LUC7L3: variants seen among roughly 807,000 people sequenced by gnomAD.
LUC7L3 encodes luc7-like protein 3.
In LUC7L3, 6 loss-of-function variants were observed where a neutral mutation model predicts 66.8. The observed-to-expected ratio is 0.09, with a 90% CI of 0.05 to 0.18. LUC7L3 has a LOEUF of 0.18. Ranked by LOEUF, LUC7L3 falls within the 10% of genes least tolerant of loss-of-function variation. The pLI is 1.00. For missense variants in LUC7L3, 341 were observed against 531.1 expected (o/e 0.64, Z 3.52); for synonymous variants, 160 against 174.7 (o/e 0.92, Z 0.66).
intron 7 of LUC7L3, among the ~76,000 whole-genome samples, chr17:50,745,099 C>T (rs554799728): frequency 6.6e-6 from 1 of 152,312 alleles, no homozygotes; most frequent in African/African-American, 2.4e-5. Context: ...AAGCAATTCT[C>T]ATGCCTCAGC....
At chr17:50,745,046 GT>G (rs1273059029) in intron 7 of LUC7L3, among the ~76,000 whole-genome samples, 1 of 152,100 alleles carries the variant, frequency 6.6e-6, no homozygotes, top group East Asian at 1.9e-4. Flanking sequence ...CTGAAGTACA[GT>G]GGCGTGATCT....
chr17:50,730,319 A>G (rs1969502552), intron 1 of LUC7L3, among the ~76,000 whole-genome samples: 1 of 151,936 alleles, frequency 6.6e-6, no homozygotes, highest in Non-Finnish European at 1.5e-5. Context: ...CAGACAGGCC[A>G]GGAGTTCGAG....
Position 50,719,955 on chromosome 17 carries a change from C to T in LUC7L3, c.99+124C>T, listed in dbSNP as rs1223182988. 3 of 818,090 alleles carry T rather than the reference C, an allele frequency of 3.7e-6. No individual in the cohort carries two copies. In the African/African-American group the frequency reaches 5.4e-5, roughly 15 times the overall value. 50.7% of individuals were successfully genotyped at this position (818,090 alleles called of 1,614,324 possible). ...CGCACCCGGGGTCGAGCGTCTGACC[C>T]GGTGCCCATGGAGCCAGGAGGGAGG... On this transcript the variant is annotated intron_variant, in intron 1 of 9. Coordinates refer to ENST00000505658, the MANE Select transcript of LUC7L3 (RefSeq NM_016424.5).
intron 1 of LUC7L3, among the ~76,000 whole-genome samples, chr17:50,726,556 AG>A (rs1352058244): frequency 6.6e-6 from 1 of 152,240 alleles, no homozygotes; most frequent in African/African-American, 2.4e-5. Flanking sequence ...CCGAAGAAGC[AG>A]AAAAGTCATG....
Position 50,745,738 on chromosome 17 carries a change from A to C in LUC7L3, c.712A>C (p.Thr238Pro). The C allele has an allele frequency of 6.3e-7, 1 of 1,575,430 alleles. No homozygotes were observed. Residue 238 changes from threonine (T) to proline (P), a missense_variant, in exon 8 of 10, where the codon ACC becomes CCC. Physicochemically the swap from Thr to Pro is conservative, Grantham distance 38. Coordinates refer to ENST00000505658, the MANE Select transcript of LUC7L3 (RefSeq NM_016424.5). The stretch of plus-strand genomic sequence containing the variant: ...TTTCTAGGAAAAGTTAAGGAAAAGA[A>C]CCGAAGAACCTGATCGTGATGAGCG... ...EELKEKLRKR[T>P]EEPDRDERLK...
At chr17:50,750,477 G>C (rs1207789892) in intron 9 of LUC7L3, 24 bp from the exon 10 acceptor site, 1 of 1,590,338 alleles carries the variant, frequency 6.3e-7, no homozygotes, top group Non-Finnish European at 8.6e-7. Flanking sequence ...TAAAATCCAT[G>C]GTCAATGTCT....
chr17:50,735,454 ATTTCCTTTCCCT>A (rs1969920750), intron 1 of LUC7L3, among the ~76,000 whole-genome samples: 1 of 151,484 alleles, frequency 6.6e-6, no homozygotes, highest in South Asian at 2.1e-4. Flanking sequence ...CCTTTTTTTC[ATTTCCTTTCCCT>A]TTTCCTTTTC....
At chr17:50,741,510 C>A in intron 4 of LUC7L3, 147 bp from the exon 5 acceptor site, 1 of 612,716 alleles carries the variant, frequency 1.6e-6, no homozygotes, top group Non-Finnish European at 2.8e-6. Context: ...ATGTGATTGA[C>A]CAACAGAAGT....
intron 2 of LUC7L3, among the ~76,000 whole-genome samples, chr17:50,739,694 G>T (rs1352579863): frequency 6.6e-6 from 1 of 152,118 alleles, no homozygotes; most frequent in African/African-American, 2.4e-5. Flanking sequence ...GAAAACATCA[G>T]AAGTGTCTCA....
intron 1 of LUC7L3, among the ~76,000 whole-genome samples, chr17:50,727,049 A>G (rs186947232): frequency 1.8e-3 from 270 of 152,226 alleles, no homozygotes; most frequent in Middle Eastern, 6.8e-3. Flanking sequence ...AGATCATGCC[A>G]CCGCACTCCA....
At chr17:50,750,203 A>G (rs1567880307) in intron 9 of LUC7L3, among the ~76,000 whole-genome samples, 1 of 151,924 alleles carries the variant, frequency 6.6e-6, no homozygotes, top group African/African-American at 2.4e-5. Flanking sequence ...GTGCTTTTTG[A>G]TGTTTTTTAC....
In LUC7L3 at chr17:50,753,859, A is replaced by C. The variant is rs1971061541; in HGVS notation, c.*3198A>C. ...GAAGTATAATAAATGAGTTCATATG[A>C]AAAGGCTTCCTCTATGGACACTTAG... On this transcript the variant is annotated 3_prime_UTR_variant, in exon 10 of 10. Coordinates refer to ENST00000505658, the MANE Select transcript of LUC7L3 (RefSeq NM_016424.5). The C allele has an allele frequency of 6.6e-6, 1 of 152,218 alleles. No individual in the cohort carries two copies. The highest frequency in any genetic ancestry group is 2.1e-4 in the South Asian group (1 of 4,834). The allele number at this position is 152,218 out of a possible 1,614,324, so 9.4% of individuals were successfully genotyped here.
At chr17:50,724,962 T>C (rs1256256800) in intron 1 of LUC7L3, among the ~76,000 whole-genome samples, 1 of 152,034 alleles carries the variant, frequency 6.6e-6, no homozygotes, top group African/African-American at 2.4e-5. Flanking sequence ...GGTTTCACCA[T>C]GTTTGCCGGG....
chr17:50,739,819 G>A (rs1344218205), intron 2 of LUC7L3, among the ~76,000 whole-genome samples: 2 of 152,108 alleles, frequency 1.3e-5, no homozygotes, highest in East Asian at 3.8e-4. Flanking sequence ...AATAAGCATA[G>A]AATTTTAAAA....
chr17:50,732,463 C>T (rs1969669940), intron 1 of LUC7L3, among the ~76,000 whole-genome samples: 1 of 152,258 alleles, frequency 6.6e-6, no homozygotes, highest in Middle Eastern at 3.4e-3. Flanking sequence ...CTCACTGCAG[C>T]CTCAACCTCC....
chr17:50,728,239 T>C (rs960082908), intron 1 of LUC7L3, among the ~76,000 whole-genome samples: 4 of 152,168 alleles, frequency 2.6e-5, no homozygotes, highest in South Asian at 4.1e-4. Context: ...TGTGGAAGAT[T>C]GATTGAAATT....
At chr17:50,735,959 C>G (rs970367862) in intron 1 of LUC7L3, among the ~76,000 whole-genome samples, 1 of 152,154 alleles carries the variant, frequency 6.6e-6, no homozygotes, top group African/African-American at 2.4e-5. Flanking sequence ...ATGGTGAAAC[C>G]CTGTCTGTAC....
Position 50,751,778 on chromosome 17 carries a change from C to A in LUC7L3, c.*1117C>A. On this transcript the variant is annotated 3_prime_UTR_variant, in exon 10 of 10. Coordinates refer to ENST00000505658, the MANE Select transcript of LUC7L3 (RefSeq NM_016424.5). Reference sequence around the variant, plus strand: ...GCAGTGTGAATAGCAAGGACAGACACCTTCAATTTGTGAAATCAAAGAACT... The same window carrying A: ...GCAGTGTGAATAGCAAGGACAGACAACTTCAATTTGTGAAATCAAAGAACT... 1 of 1,018,082 alleles carries A rather than the reference C, an allele frequency of 9.8e-7. No homozygotes were observed. The highest frequency in any genetic ancestry group is 1.2e-6 in the Non-Finnish European group (1 of 849,150). 63.1% of individuals were successfully genotyped at this position (1,018,082 alleles called of 1,614,324 possible).
rs1971072048 is a variant in LUC7L3 at position 50,754,372 on chromosome 17, C to G, written c.*3711C>G. The G allele has an allele frequency of 6.6e-6, 1 of 152,292 alleles. No homozygotes were observed. The highest frequency in any genetic ancestry group is 1.5e-5 in the Non-Finnish European group (1 of 68,024). The allele number at this position is 152,292 out of a possible 1,614,324, so 9.4% of individuals were successfully genotyped here. On this transcript the variant is annotated 3_prime_UTR_variant, in exon 10 of 10. Transcript: ENST00000505658. ...TCATGAGTGATTGTATTTGTATCCA[C>G]TGTTTTCTATTATTTTCGAGCAAGT... is the stretch of plus-strand genomic sequence containing the variant.
Sources: allele counts gnomAD v4.1 joint callset (sites outside exome capture counted in the v4.1 genomes callset), GRCh38; gene constraint gnomAD v4.1.1; transcripts MANE v1.5; gene names NCBI Gene and HGNC (gene_info 2026-07-23, HGNC 2026-07-21).